The following FA2H variants were observed in gnomAD, a reference collection of about 807,000 sequenced individuals.
FA2H encodes fatty acid 2-hydroxylase, also known as fatty acid alpha-hydroxylase.
FA2H carries 22 observed loss-of-function variants against 44.9 expected under a neutral mutation model. The ratio of observed to expected loss-of-function variants is 0.49; its 90% CI spans 0.35 to 0.70. FA2H has a LOEUF of 0.70. Among genes scored for constraint, FA2H ranks in the 30% least tolerant of loss-of-function variants. FA2H has a pLI of 0.01. For synonymous variants in FA2H, 243 were observed against 213.2 expected (o/e 1.14, Z -1.22); for missense variants, 501 against 504.9 (o/e 0.99, Z 0.07).
chr16:74,747,458 G>A (rs1040683442), intron 1 of FA2H, among the ~76,000 whole-genome samples: 16 of 152,146 alleles, frequency 1.1e-4, no homozygotes, highest in African/African-American at 3.6e-4. Flanking sequence ...AGAGGTTGTG[G>A]GTTGAGCTAT....
chr16:74,741,773 A>AATATATATATATATATATATATATATAT (rs57773726), intron 1 of FA2H, among the ~76,000 whole-genome samples: 1 of 48,056 alleles, frequency 2.1e-5, no homozygotes, highest in African/African-American at 1.2e-4. Context: ...CACCTGATTA[A>AATATATATATATATATATATATATATAT]ATATATATAT....
At chr16:74,757,469 C>A (rs1335263164) in intron 1 of FA2H, among the ~76,000 whole-genome samples, 1 of 152,048 alleles carries the variant, frequency 6.6e-6, no homozygotes, top group Non-Finnish European at 1.5e-5. Flanking sequence ...TTATTTGGAT[C>A]CAGAAATTCC....
At chr16:74,741,830 GT>G (rs1426602295) in intron 1 of FA2H, among the ~76,000 whole-genome samples, 14 of 119,764 alleles carry the variant, frequency 1.2e-4, no homozygotes, top group East Asian at 7.1e-4. Flanking sequence ...GTGTGTGTGT[GT>G]GTGTGTATGT....
At chr16:74,738,940 C>T (rs755727149) in intron 2 of FA2H, among the ~76,000 whole-genome samples, 11 of 152,240 alleles carry the variant, frequency 7.2e-5, no homozygotes, top group Non-Finnish European at 1.5e-4. Flanking sequence ...TTCGGCCTCT[C>T]TGGTTGGATC....
intron 2 of FA2H, among the ~76,000 whole-genome samples, chr16:74,730,151 C>A (rs559610652): frequency 1.3e-5 from 2 of 152,308 alleles, no homozygotes; most frequent in African/African-American, 4.8e-5. Context: ...TCGCCCATCA[C>A]AGCCTGGGAG....
chr16:74,752,275 G>T (rs1202032464), intron 1 of FA2H, among the ~76,000 whole-genome samples: 1 of 152,140 alleles, frequency 6.6e-6, no homozygotes, highest in Admixed American at 6.6e-5. Context: ...CTGATCAAAT[G>T]TAGAGAAAAT....
intron 4 of FA2H, among the ~76,000 whole-genome samples, chr16:74,725,182 C>A (rs1369207604): frequency 4.6e-5 from 7 of 152,212 alleles, no homozygotes; most frequent in Non-Finnish European, 1.0e-4. Flanking sequence ...TCCTGCAGCT[C>A]GCTCACCAGA....
chr16:74,730,102 C>T (rs1187501008), intron 2 of FA2H, among the ~76,000 whole-genome samples: 1 of 152,154 alleles, frequency 6.6e-6, no homozygotes, highest in African/African-American at 2.4e-5. Flanking sequence ...GGAACTAGCC[C>T]TTACATGCCC....
intron 4 of FA2H, among the ~76,000 whole-genome samples, chr16:74,723,916 T>A (rs1961894208): frequency 6.6e-6 from 1 of 152,040 alleles, no homozygotes; most frequent in Non-Finnish European, 1.5e-5. Context: ...TATTTTCTTT[T>A]TTTGAGACGG....
chr16:74,761,627 C>T (rs182196634), intron 1 of FA2H, among the ~76,000 whole-genome samples: 336 of 152,232 alleles, frequency 2.2e-3, no homozygotes, highest in African/African-American at 7.5e-3. Context: ...ATTTATGAGT[C>T]AGTTGTTTAA....
intron 1 of FA2H, among the ~76,000 whole-genome samples, chr16:74,759,467 A>G (rs1272840841): frequency 6.6e-6 from 1 of 152,224 alleles, no homozygotes; most frequent in African/African-American, 2.4e-5. Context: ...TGGTGGAGGA[A>G]GTAAGAGTTT....
intron 6 of FA2H, among the ~76,000 whole-genome samples, chr16:74,716,044 AC>A (rs1961687494): frequency 1.3e-5 from 2 of 151,962 alleles, no homozygotes; most frequent in South Asian, 4.2e-4. Context: ...CAAACTCCTG[AC>A]CTCAAGTGAT....
chr16:74,715,474 G>A (rs1343360181), intron 6 of FA2H, among the ~76,000 whole-genome samples: 2 of 151,994 alleles, frequency 1.3e-5, no homozygotes, highest in Non-Finnish European at 2.9e-5. Flanking sequence ...ACTTTTTTAT[G>A]TAGAGACAAG....
intron 1 of FA2H, among the ~76,000 whole-genome samples, chr16:74,750,563 A>ACAACAC (rs1375431788): frequency 6.6e-6 from 1 of 152,174 alleles, no homozygotes; most frequent in African/African-American, 2.4e-5. Context: ...AGCAACAACA[A>ACAACAC]CAACACCCTC....
At chr16:74,722,420 C>T (rs991879328) in intron 4 of FA2H, among the ~76,000 whole-genome samples, 1 of 152,146 alleles carries the variant, frequency 6.6e-6, no homozygotes, top group South Asian at 2.1e-4. Flanking sequence ...CCTATAGTCC[C>T]AGCTACTGAG....
intron 1 of FA2H, among the ~76,000 whole-genome samples, chr16:74,762,523 C>A (rs1962733080): frequency 6.6e-6 from 1 of 152,016 alleles, no homozygotes; most frequent in Admixed American, 6.5e-5. Context: ...TATTGGTCTT[C>A]ATTTAGAATA....
chr16:74,751,608 G>C (rs1962527279), intron 1 of FA2H, among the ~76,000 whole-genome samples: 1 of 151,906 alleles, frequency 6.6e-6, no homozygotes, highest in African/African-American at 2.4e-5. Context: ...ACAGGTAAGG[G>C]ACAGCACTGA....
intron 1 of FA2H, among the ~76,000 whole-genome samples, chr16:74,762,041 G>T (rs528164429): frequency 9.3e-5 from 14 of 150,074 alleles, no homozygotes; most frequent in Non-Finnish European, 1.3e-4. Context: ...GTCACATTGT[G>T]CTTCCACACA....
intron 1 of FA2H, among the ~76,000 whole-genome samples, chr16:74,770,749 G>A: frequency 6.6e-6 from 1 of 152,212 alleles, no homozygotes; most frequent in East Asian, 1.9e-4. Flanking sequence ...GCAGCCCAGT[G>A]GAGGGCTGGG....
Sources: gnomAD v4.1 joint callset for allele counts (sites outside exome capture counted in the v4.1 genomes callset) on GRCh38, gnomAD v4.1.1 for gene constraint, MANE v1.5 for transcripts, NCBI Gene and HGNC (gene_info 2026-07-23, HGNC 2026-07-21) for gene names.